The following CREBBP variants were observed in gnomAD, a reference collection of about 807,000 sequenced individuals.
The protein encoded by CREBBP is CREB binding lysine acetyltransferase.
CREBBP carries 19 observed loss-of-function variants against 265.0 expected under a neutral mutation model. That is an observed-to-expected ratio of 0.07 (90% confidence interval 0.05 to 0.11). CREBBP has a LOEUF of 0.11. Ranked by LOEUF, CREBBP falls within the 10% of genes least tolerant of loss-of-function variation. The pLI is 1.00. For missense variants in CREBBP, 2,525 were observed against 3,219.0 expected (o/e 0.78, Z 5.22); for synonymous variants, 1,457 against 1,223.7 (o/e 1.19, Z -3.98).
chr16:3,860,830 C>T (rs561928715), intron 1 of CREBBP, among the ~76,000 whole-genome samples: 12 of 152,080 alleles, frequency 7.9e-5, no homozygotes, highest in Middle Eastern at 3.4e-3. Flanking sequence ...ACTACGCTCT[C>T]GGTGTGTTTA....
At chr16:3,858,140 TTAA>T (rs1426495320) in intron 1 of CREBBP, among the ~76,000 whole-genome samples, 1 of 152,194 alleles carries the variant, frequency 6.6e-6, no homozygotes, top group Non-Finnish European at 1.5e-5. Flanking sequence ...GGATCCATTC[TTAA>T]TAATGATGAT....
intron 19 of CREBBP, among the ~76,000 whole-genome samples, chr16:3,756,299 A>C (rs1307895137): frequency 6.6e-6 from 1 of 152,248 alleles, no homozygotes; most frequent in African/African-American, 2.4e-5. Context: ...CAGTTTGAGC[A>C]AGATTCCTGA....
chr16:3,879,259 C>G (rs947937409), intron 1 of CREBBP, among the ~76,000 whole-genome samples: 5 of 116,602 alleles, frequency 4.3e-5, no homozygotes, highest in Non-Finnish European at 7.7e-5. Flanking sequence ...CACACACACA[C>G]ACAAAACAAG....
At chr16:3,784,380 T>C (rs932944243) in intron 5 of CREBBP, 3 of 152,228 alleles carry the variant, frequency 2.0e-5, no homozygotes, top group Non-Finnish European at 4.4e-5. Flanking sequence ...CTCATTAACA[T>C]AAATGAAAAG....
At chr16:3,846,839 G>A (rs1372351035) in intron 2 of CREBBP, among the ~76,000 whole-genome samples, 1 of 152,144 alleles carries the variant, frequency 6.6e-6, no homozygotes, top group African/African-American at 2.4e-5. Flanking sequence ...AATAATAGTT[G>A]CCTTTGGTGA....
At chr16:3,824,963 G>T (rs1050856942) in intron 2 of CREBBP, among the ~76,000 whole-genome samples, 13 of 152,154 alleles carry the variant, frequency 8.5e-5, no homozygotes, top group African/African-American at 3.1e-4. Context: ...AAATGGGATA[G>T]CACATGGGAA....
At position 3,773,758 on chromosome 16, in the gene CREBBP, A is replaced by G. The variant is rs749681287; in HGVS notation, c.2456T>C (p.Val819Ala). Reference sequence around the variant, plus strand: ...CCCAGTGGGGCACAGTACCTGTGACACGCCTGTTTGGGCTGGCGGCTGCCC... The same window carrying G: ...CCCAGTGGGGCACAGTACCTGTGACGCGCCTGTTTGGGCTGGCGGCTGCCC... ...GMGQPPAQTG[V>A]SQGQVPGAAL... Residue 819 changes from valine to alanine, a missense_variant, in exon 13 of 31, where the codon GTG becomes GCG. Transcript: ENST00000262367. The G allele has an allele frequency of 6.2e-7, 1 of 1,614,000 alleles. No homozygotes were observed. The highest frequency in any genetic ancestry group is 8.5e-7 in the Non-Finnish European group (1 of 1,180,022).
At chr16:3,836,655 G>A (rs2054458439) in intron 2 of CREBBP, among the ~76,000 whole-genome samples, 1 of 151,954 alleles carries the variant, frequency 6.6e-6, no homozygotes, top group African/African-American at 2.4e-5. Flanking sequence ...AATAATCAAA[G>A]TAAAATAATA....
intron 2 of CREBBP, among the ~76,000 whole-genome samples, chr16:3,846,014 T>C (rs1422831983): frequency 6.6e-6 from 1 of 151,564 alleles, no homozygotes; most frequent in Non-Finnish European, 1.5e-5. Flanking sequence ...AGGAAATAAA[T>C]GGATAAATGT....
chr16:3,878,265 G>A (rs1197199038), intron 1 of CREBBP, among the ~76,000 whole-genome samples: 1 of 152,180 alleles, frequency 6.6e-6, no homozygotes, highest in African/African-American at 2.4e-5. Flanking sequence ...ATGAAGCAAC[G>A]GAGATCTGTT....
At position 3,728,285 on chromosome 16, in the gene CREBBP, G is replaced by A. The variant is rs757512971; in HGVS notation, c.6762C>T (p.Leu2254=). Reference sequence around the variant, plus strand: ...GGCCCATGGAGCTGCCCTGGAGGGGGAGATGCTGCTGCATGCGCTGCTGCT... The same window carrying A: ...GGCCCATGGAGCTGCCCTGGAGGGGAAGATGCTGCTGCATGCGCTGCTGCT... The part of the protein sequence containing the change: ...MQQQQRMQQH[L]PLQGSSMGQM... Residue 2254 remains leucine, a synonymous_variant, in exon 31 of 31, where the codon CTC becomes CTT. Transcript: ENST00000262367. The surrounding 1 kb of genome is among the most constrained non-coding windows in gnomAD (Gnocchi z 8.7). 2.5e-6 allele frequency: 4 copies of A among 1,612,096 alleles called. No homozygotes were observed. The highest frequency in any genetic ancestry group is 1.7e-5 in the Admixed American group (1 of 59,972).
chr16:3,739,029 T>C (rs1273466072), intron 25 of CREBBP, among the ~76,000 whole-genome samples: 1 of 152,228 alleles, frequency 6.6e-6, no homozygotes, highest in East Asian at 1.9e-4. Flanking sequence ...CCAGTTTTTC[T>C]TTTGATGGTA....
chr16:3,838,173 T>C (rs561357777), intron 2 of CREBBP, among the ~76,000 whole-genome samples: 3 of 152,330 alleles, frequency 2.0e-5, no homozygotes, highest in South Asian at 4.1e-4. Context: ...TATTTTCTAC[T>C]ATACCATTTC....
chr16:3,831,771 CG>C (rs1188545376), intron 2 of CREBBP, among the ~76,000 whole-genome samples: 4 of 151,954 alleles, frequency 2.6e-5, no homozygotes, highest in Non-Finnish European at 5.9e-5. Context: ...CTGAGGCAGG[CG>C]GATCACTTGA....
intron 19 of CREBBP, among the ~76,000 whole-genome samples, chr16:3,753,902 G>A (rs2052530841): frequency 6.6e-6 from 1 of 152,128 alleles, no homozygotes. Flanking sequence ...GAGTCTAAAT[G>A]GTTTTAAAAT....
chr16:3,787,070 C>CAAAA (rs757962926), intron 5 of CREBBP, among the ~76,000 whole-genome samples: 7 of 86,996 alleles, frequency 8.0e-5, no homozygotes, highest in Admixed American at 2.6e-4. Flanking sequence ...GACTTCGTCT[C>CAAAA]AAAAAAAAAA....
At chr16:3,879,353 C>A (rs2055473161) in intron 1 of CREBBP, among the ~76,000 whole-genome samples, 1 of 152,220 alleles carries the variant, frequency 6.6e-6, no homozygotes, top group Non-Finnish European at 1.5e-5. Context: ...AAGCTGGCGG[C>A]TGCTGTGAGT....
At chr16:3,755,379 CA>C (rs1341461050) in intron 19 of CREBBP, among the ~76,000 whole-genome samples, 2 of 152,162 alleles carry the variant, frequency 1.3e-5, no homozygotes, top group African/African-American at 4.8e-5. Context: ...CCTTCTAGAC[CA>C]AAACTGTGTT....
rs2141200443 is a variant in CREBBP, at chr16:3,770,693, C to T, written c.2757G>A (p.Gln919=). 1 of 1,614,048 alleles carries T rather than the reference C, an allele frequency of 6.2e-7. No individual in the cohort carries two copies. The highest frequency in any genetic ancestry group is 8.5e-7 in the Non-Finnish European group (1 of 1,179,990). Residue 919 remains glutamine, a synonymous_variant, in exon 14 of 31, where the codon CAG becomes CAA. Coordinates refer to ENST00000262367, the MANE Select transcript of CREBBP (RefSeq NM_004380.3). Reference sequence around the variant, plus strand: ...GGGTCACCTGGGCCTGGGCTGCTGCCTGGACTGTAGGGGTGCTCTGGGTTT... The same window carrying T: ...GGGTCACCTGGGCCTGGGCTGCTGCTTGGACTGTAGGGGTGCTCTGGGTTT... ...ATQTQSTPTV[Q]AAAQAQVTPQ...
Sources: allele counts gnomAD v4.1 joint callset (sites outside exome capture counted in the v4.1 genomes callset), GRCh38; gene constraint gnomAD v4.1.1; non-coding constraint Gnocchi (gnomAD v3.1); transcripts MANE v1.5; gene names NCBI Gene and HGNC (gene_info 2026-07-23, HGNC 2026-07-21).